RASGEF1B: variants seen among roughly 807,000 people sequenced by gnomAD.
RASGEF1B encodes the protein RasGEF domain family member 1B, also known as ras-GEF domain-containing family member 1B.
A neutral mutation model predicts 65.7 loss-of-function variants in RASGEF1B; 30 were observed. The observed-to-expected ratio is 0.46, with a 90% CI of 0.34 to 0.62. The LOEUF is 0.62. Ranked by LOEUF, RASGEF1B falls within the 20% of genes least tolerant of loss-of-function variation. The pLI is 0.01. For missense variants in RASGEF1B, 495 were observed against 580.1 expected (o/e 0.85, Z 1.51); for synonymous variants, 175 against 194.8 (o/e 0.90, Z 0.85).
At chr4:81,430,267 C>G (rs1721381263) in intron 13 of RASGEF1B, among the ~76,000 whole-genome samples, 1 of 152,198 alleles carries the variant, frequency 6.6e-6, no homozygotes, top group East Asian at 1.9e-4. Context: ...TCCCACTGCA[C>G]TCCAGCCTGG....
chr4:81,445,378 T>A, intron 8 of RASGEF1B, 148 bp downstream of exon 8: 1 of 643,250 alleles, frequency 1.6e-6, no homozygotes, highest in Non-Finnish European at 2.8e-6. Context: ...CTCATTTGGC[T>A]ATTTAAAGCA....
At chr4:81,432,430 A>C (rs1486083222) in intron 12 of RASGEF1B, 59 bp from the exon 13 acceptor site, 1 of 1,070,270 alleles carries the variant, frequency 9.3e-7, no homozygotes. Flanking sequence ...TATATTATCT[A>C]CCACCACCCT....
intron 10 of RASGEF1B, among the ~76,000 whole-genome samples, chr4:81,436,167 CT>C (rs961490066): frequency 1.3e-4 from 20 of 151,374 alleles, no homozygotes; most frequent in African/African-American, 3.2e-4. Flanking sequence ...TTAAGATAAA[CT>C]TTTTTTTTAG....
intron 10 of RASGEF1B, among the ~76,000 whole-genome samples, chr4:81,436,991 T>C (rs1403631183): frequency 3.3e-5 from 5 of 152,232 alleles, no homozygotes; most frequent in Non-Finnish European, 7.3e-5. Flanking sequence ...CCTTCTAACG[T>C]GATTAGCTAT....
intron 13 of RASGEF1B, among the ~76,000 whole-genome samples, chr4:81,429,930 G>GC (rs1208114968): frequency 4.6e-5 from 7 of 152,208 alleles, no homozygotes; most frequent in African/African-American, 9.6e-5. Context: ...GGCGCAGTCG[G>GC]AGGAGAGCCT....
chr4:81,446,212 TA>T (rs1241629737), intron 6 of RASGEF1B, among the ~76,000 whole-genome samples: 3 of 152,158 alleles, frequency 2.0e-5, no homozygotes, highest in African/African-American at 7.2e-5. Flanking sequence ...CCGTCTCTAC[TA>T]AATATACAAA....
At position 81,445,514 on chromosome 4, in the gene RASGEF1B, CA is replaced by C. The variant is rs750429787; in HGVS notation, c.928+11del. 6.4e-7 allele frequency: 1 copy of C among 1,564,586 alleles called. No individual in the cohort carries two copies. Among genetic ancestry groups the C allele is most frequent in the East Asian group, 2.2e-5 (1 of 44,600 alleles). On this transcript the variant is annotated intron_variant, in intron 8 of 13. Coordinates refer to ENST00000264400, the MANE Select transcript of RASGEF1B (RefSeq NM_152545.3). ...AAAGATAAACGACATGTATCCTCCA[CA>C]AAATACTCACAGATTATCGCCATCA...
intron 1 of RASGEF1B, among the ~76,000 whole-genome samples, chr4:81,462,693 A>G (rs147594989): frequency 1.1e-3 from 161 of 152,304 alleles, no homozygotes; most frequent in African/African-American, 3.7e-3. Context: ...TTCATTAGTC[A>G]TAATTCTTCT....
Position 81,445,745 on chromosome 4 carries a change from T to A in RASGEF1B, c.823A>T (p.Met275Leu), listed in dbSNP as rs753447427. Residue 275 changes from methionine (M) to leucine (L), a missense_variant and splice_region_variant, in exon 7 of 14, where the codon ATG (methionine) becomes TTG (leucine). By Grantham distance (15) the Met-to-Leu change is conservative. Transcript: ENST00000264400. ...LSYLVATEICMPVKKKHRARM... is the reference protein window; with the variant it reads ...LSYLVATEICLPVKKKHRARM... ...AGACAGAAAATTCATTTCCTCACCA[T>A]ACAGATTTCTGTAGCAACCAAGTAG... 1.2e-5 allele frequency: 20 copies of A among 1,612,334 alleles called. No individual in the cohort carries two copies. In the South Asian group the frequency reaches 2.0e-4, roughly 16 times the overall value.
chr4:81,457,597 G>C lies in RASGEF1B; in HGVS notation c.202C>G (p.Leu68Val). 6.2e-7 allele frequency: 1 copy of C among 1,614,006 alleles called. No homozygotes were observed. The highest frequency in any genetic ancestry group is 1.3e-5 in the African/African-American group (1 of 75,016). The stretch of plus-strand genomic sequence containing the variant: ...GGATGCATAAATAACCGAGAACTGA[G>C]TAGGAAGGTAAATATGTATGTTCTC... ...PDRTYIFTFL[L>V]SSRLFMHPYE... The change falls in exon 3 of 14, where the codon CTC becomes GTC. Residue 68 changes from leucine to valine, a missense_variant. Coordinates refer to ENST00000264400, the MANE Select transcript of RASGEF1B (RefSeq NM_152545.3).
intron 1 of RASGEF1B, among the ~76,000 whole-genome samples, chr4:81,468,804 A>C (rs981472039): frequency 6.6e-6 from 1 of 152,204 alleles, no homozygotes; most frequent in Non-Finnish European, 1.5e-5. Context: ...TAAATGCATG[A>C]AGCGATAGTA....
chr4:81,456,477 T>C (rs1232479798), intron 4 of RASGEF1B, 174 bp downstream of exon 4: 1 of 744,198 alleles, frequency 1.3e-6, no homozygotes, highest in Non-Finnish European at 2.4e-6. Flanking sequence ...TGAAGTGGGA[T>C]GGTATAATCA....
chr4:81,446,862 G>A (rs1578625048), intron 6 of RASGEF1B, among the ~76,000 whole-genome samples: 2 of 152,326 alleles, frequency 1.3e-5, no homozygotes, highest in Middle Eastern at 6.8e-3. Context: ...AGGCCGGAAA[G>A]CAGCTGTTGC....
chr4:81,466,778 G>GAAAGA (rs1173409406), intron 1 of RASGEF1B, among the ~76,000 whole-genome samples: 2 of 129,814 alleles, frequency 1.5e-5, no homozygotes, highest in African/African-American at 6.3e-5. Flanking sequence ...AAAAAAGAAA[G>GAAAGA]AAAGAAAGAA....
intron 12 of RASGEF1B, 21 bp from the exon 13 acceptor site, chr4:81,432,392 G>A (rs748273837): frequency 1.3e-6 from 2 of 1,530,868 alleles, no homozygotes; most frequent in Admixed American, 1.7e-5. Context: ...ACAAAAGAAA[G>A]TGCATTAACA....
At chr4:81,462,904 T>C (rs897818422) in intron 1 of RASGEF1B, among the ~76,000 whole-genome samples, 3 of 152,180 alleles carry the variant, frequency 2.0e-5, no homozygotes, top group Admixed American at 6.5e-5. Flanking sequence ...GGCATCCCCA[T>C]CTTTTTTTTG....
At chr4:81,437,748 A>G (rs1038457039) in intron 10 of RASGEF1B, among the ~76,000 whole-genome samples, 1 of 152,186 alleles carries the variant, frequency 6.6e-6, no homozygotes, top group African/African-American at 2.4e-5. Context: ...AGGATATTTT[A>G]CTGCTCTGTT....
intron 4 of RASGEF1B, 150 bp downstream of exon 4, chr4:81,456,501 T>C (rs1722443832): frequency 1.2e-6 from 1 of 804,576 alleles, no homozygotes; most frequent in African/African-American, 1.7e-5. Flanking sequence ...TCACTTGACA[T>C]ACTAAATAGA....
At chr4:81,442,149 A>G (rs1012470251) in intron 9 of RASGEF1B, 148 bp downstream of exon 9, 5 of 630,826 alleles carry the variant, frequency 7.9e-6, no homozygotes, top group Admixed American at 5.6e-5. Flanking sequence ...TTCCCCTCCA[A>G]TTCTACCCAC....
Sources: allele counts gnomAD v4.1 joint callset (sites outside exome capture counted in the v4.1 genomes callset), GRCh38; gene constraint gnomAD v4.1.1; transcripts MANE v1.5; gene names NCBI Gene and HGNC (gene_info 2026-07-23, HGNC 2026-07-21).